LYN: variants seen among roughly 807,000 people sequenced by gnomAD.
LYN encodes LYN proto-oncogene, Src family tyrosine kinase.
Under a neutral mutation model 65.0 loss-of-function variants are expected in LYN, and 12 were observed. The observed-to-expected ratio is 0.18, with a 90% CI of 0.12 to 0.30. The LOEUF is 0.30. Ranked by LOEUF, LYN falls within the 10% of genes least tolerant of loss-of-function variation. The pLI, the probability that LYN is intolerant of heterozygous loss-of-function variation, is 1.00. For missense variants in LYN, 380 were observed against 623.2 expected (o/e 0.61, Z 4.16); for synonymous variants, 222 against 221.2 (o/e 1.00, Z -0.03).
chr8:55,889,469 C>A (rs575166959), intron 1 of LYN, among the ~76,000 whole-genome samples: 5 of 152,286 alleles, frequency 3.3e-5, no homozygotes, highest in Non-Finnish European at 7.4e-5. Context: ...TCCCAAAGTG[C>A]TGTGCTGGGA....
chr8:55,971,972 A>G (rs1371346811), intron 10 of LYN, among the ~76,000 whole-genome samples: 1 of 152,040 alleles, frequency 6.6e-6, no homozygotes, highest in Non-Finnish European at 1.5e-5. Context: ...TCTCCTGTCA[A>G]CTGATGGGGC....
At chr8:55,903,401 A>T (rs1805333676) in intron 1 of LYN, among the ~76,000 whole-genome samples, 1 of 152,226 alleles carries the variant, frequency 6.6e-6, no homozygotes, top group Admixed American at 6.5e-5. Flanking sequence ...AACAATGAAA[A>T]TATTAAGGCT....
At chr8:55,997,064 G>T (rs1468383022) in intron 10 of LYN, among the ~76,000 whole-genome samples, 2 of 151,958 alleles carry the variant, frequency 1.3e-5, no homozygotes, top group Non-Finnish European at 2.9e-5. Flanking sequence ...GGGAGGCTGA[G>T]GAAGGAGAAT....
intron 1 of LYN, among the ~76,000 whole-genome samples, chr8:55,909,046 CACACA>C (rs1435845141): frequency 0.081 from 5,606 of 69,058 alleles, 675 homozygotes; most frequent in East Asian, 0.2. Flanking sequence ...CACACACACA[CACACA>C]CCCCACATTT....
chr8:55,940,946 G>T (rs1439478647), intron 1 of LYN, among the ~76,000 whole-genome samples: 1 of 152,204 alleles, frequency 6.6e-6, no homozygotes, highest in Non-Finnish European at 1.5e-5. Context: ...TTTTACCTGC[G>T]CTAGTACTCC....
At chr8:55,912,651 T>A (rs764102106) in intron 1 of LYN, among the ~76,000 whole-genome samples, 1 of 150,216 alleles carries the variant, frequency 6.7e-6, no homozygotes, top group Non-Finnish European at 1.5e-5. Context: ...CTCTTGAACC[T>A]GGGAGGCAGA....
At chr8:55,887,154 A>C (rs1276257580) in intron 1 of LYN, among the ~76,000 whole-genome samples, 1 of 152,248 alleles carries the variant, frequency 6.6e-6, no homozygotes, top group Non-Finnish European at 1.5e-5. Flanking sequence ...TTTTTTTCAA[A>C]AGCTGAACAC....
At chr8:55,968,217 A>T (rs544228648) in intron 9 of LYN, among the ~76,000 whole-genome samples, 28 of 152,298 alleles carry the variant, frequency 1.8e-4, no homozygotes, top group African/African-American at 2.6e-4. Flanking sequence ...AATGATAGGT[A>T]TAAATATGAG....
At chr8:55,931,399 G>A (rs1195384172) in intron 1 of LYN, among the ~76,000 whole-genome samples, 2 of 150,306 alleles carry the variant, frequency 1.3e-5, no homozygotes, top group African/African-American at 4.9e-5. Context: ...GGGGAACTGA[G>A]CACAAAACCT....
chr8:56,013,174 T>C lies in LYN; in HGVS notation c.*3064T>C, dbSNP rs1373420975. ...ATAACTAAAAGGAGGGAATTAATTTTGTTGCCTACACCAGGGATAGATCGA... is the reference window on the plus strand; with the variant it reads ...ATAACTAAAAGGAGGGAATTAATTTCGTTGCCTACACCAGGGATAGATCGA... On this transcript the variant is annotated 3_prime_UTR_variant, in exon 13 of 13. Coordinates refer to ENST00000519728, the MANE Select transcript of LYN (RefSeq NM_002350.4). The C allele has an allele frequency of 2.0e-5, 3 of 152,272 alleles. No homozygotes were observed. Among genetic ancestry groups the C allele is most frequent in the African/African-American group, 7.2e-5 (3 of 41,546 alleles). 9.4% of individuals were successfully genotyped at this position (152,272 alleles called of 1,614,324 possible). A position where few individuals can be genotyped will look rare whatever the true frequency, so the allele number is the denominator to read the frequency against.
chr8:55,969,147 A>G lies in LYN; in HGVS notation c.974-570A>G, dbSNP rs371690394. On this transcript the variant is annotated intron_variant, in intron 9 of 12. Transcript: ENST00000519728. ...AAAAGAATTAGCTGGGTGTGATGGC[A>G]TGTACCCTCAGCTACACAGGAGGCT... Among the ~76,000 whole-genome samples the G allele has an allele frequency of 3.0e-4, 46 of 152,258 alleles. No homozygotes were observed. In the South Asian group the frequency reaches 9.5e-3, roughly 32 times the overall value.
At chr8:55,962,979 G>A (rs938456966) in intron 8 of LYN, among the ~76,000 whole-genome samples, 2 of 152,168 alleles carry the variant, frequency 1.3e-5, no homozygotes, top group Admixed American at 6.5e-5. Context: ...CTAATAGAGC[G>A]AGAACTCACT....
At chr8:55,935,646 C>A (rs571195804) in intron 1 of LYN, among the ~76,000 whole-genome samples, 1 of 151,964 alleles carries the variant, frequency 6.6e-6, no homozygotes, top group Admixed American at 6.6e-5. Context: ...TGGTGGCGGA[C>A]GCCTGTAGTC....
At chr8:55,953,558 G>A (rs1313048141) in intron 7 of LYN, among the ~76,000 whole-genome samples, 1 of 152,086 alleles carries the variant, frequency 6.6e-6, no homozygotes, top group African/African-American at 2.4e-5. Context: ...TGAGGCAGAA[G>A]AATTTCTTGA....
intron 10 of LYN, among the ~76,000 whole-genome samples, chr8:55,978,100 T>A (rs1807807844): frequency 6.6e-6 from 1 of 152,156 alleles, no homozygotes; most frequent in African/African-American, 2.4e-5. Context: ...CTTAAACCTC[T>A]CAACCAAGTG....
intron 1 of LYN, among the ~76,000 whole-genome samples, chr8:55,932,413 T>TTTTTTG (rs113680819): frequency 2.0e-5 from 3 of 150,892 alleles, no homozygotes; most frequent in Non-Finnish European, 4.4e-5. Flanking sequence ...TATATATATT[T>TTTTTTG]TTTGTTTGTT....
chr8:55,885,731 T>C (rs1056976924), intron 1 of LYN, among the ~76,000 whole-genome samples: 4 of 152,224 alleles, frequency 2.6e-5, no homozygotes, highest in African/African-American at 9.7e-5. Context: ...GGACCACTTC[T>C]GCTTTCCAGG....
chr8:55,921,088 G>A (rs961574074), intron 1 of LYN, among the ~76,000 whole-genome samples: 13 of 152,256 alleles, frequency 8.5e-5, no homozygotes, highest in Non-Finnish European at 1.6e-4. Flanking sequence ...TGTTTTCATC[G>A]TCTAGATACG....
Position 55,948,245 on chromosome 8 carries a change from A to T in LYN, c.284+522A>T, listed in dbSNP as rs551866434. On this transcript the variant is annotated intron_variant, in intron 4 of 12. Coordinates refer to ENST00000519728, the MANE Select transcript of LYN (RefSeq NM_002350.4). ...TGCCTTGGCCTCCCAAAGTGCTGGGATTACAGGTGTGAGCCACCACACCCA... is the reference window on the plus strand; with the variant it reads ...TGCCTTGGCCTCCCAAAGTGCTGGGTTTACAGGTGTGAGCCACCACACCCA... 2.4e-3 allele frequency among the ~76,000 whole-genome samples: 366 copies of T among 152,262 alleles called. 1 individual carries two copies. The highest frequency in any genetic ancestry group is 8.5e-3 in the African/African-American group (353 of 41,546).
Sources: allele counts gnomAD v4.1 joint callset (sites outside exome capture counted in the v4.1 genomes callset), GRCh38; gene constraint gnomAD v4.1.1; transcripts MANE v1.5; gene names NCBI Gene and HGNC (gene_info 2026-07-23, HGNC 2026-07-21).